Variants in PLB1 observed in about 807,000 individuals in gnomAD.
The protein encoded by PLB1 is phospholipase B1, membrane-associated.
PLB1 carries 242 observed loss-of-function variants against 227.4 expected under a neutral mutation model. The ratio of observed to expected loss-of-function variants is 1.06; its 90% CI spans 0.96 to 1.18. PLB1 has a LOEUF of 1.18. PLB1 is among the 50% of genes most tolerant of loss of function. The probability of loss-of-function intolerance (pLI) is 0.00; values close to 1 mark genes in which losing one functional copy is unlikely to be tolerated. For synonymous variants in PLB1, 757 were observed against 682.2 expected (o/e 1.11, Z -1.71); for missense variants, 1,858 against 1,816.3 (o/e 1.02, Z -0.42).
At chr2:28,601,857 C>T in intron 37 of PLB1, 42 bp from the exon 38 acceptor site, 1 of 1,532,818 alleles carries the variant, frequency 6.5e-7, no homozygotes, top group Non-Finnish European at 9.0e-7. Context: ...GCCCTCCCAC[C>T]CTAACCAGTT....
At chr2:28,525,772 T>A (rs1670165604) in intron 5 of PLB1, 133 bp from the exon 6 acceptor site, 1 of 1,123,618 alleles carries the variant, frequency 8.9e-7, no homozygotes, top group East Asian at 2.6e-5. Flanking sequence ...CTATAACCCC[T>A]GGGAGGATAA....
intron 1 of PLB1, among the ~76,000 whole-genome samples, chr2:28,511,149 C>T (rs1426703633): frequency 6.6e-6 from 1 of 152,068 alleles, no homozygotes; most frequent in Non-Finnish European, 1.5e-5. Flanking sequence ...CCATTTATTC[C>T]ATCCAAATCT....
At chr2:28,604,177 C>A in intron 40 of PLB1, 130 bp downstream of exon 40, 1 of 817,542 alleles carries the variant, frequency 1.2e-6, no homozygotes, top group Non-Finnish European at 2.0e-6. Flanking sequence ...CGGGGAGCAG[C>A]CTGGGTGCCT....
At chr2:28,576,077 G>A (rs1374163408) in intron 21 of PLB1, among the ~76,000 whole-genome samples, 1 of 151,790 alleles carries the variant, frequency 6.6e-6, no homozygotes, top group African/African-American at 2.4e-5. Flanking sequence ...CAAAATGAGT[G>A]TGATTCATAT....
At chr2:28,530,546 T>C (rs1347948677) in intron 8 of PLB1, among the ~76,000 whole-genome samples, 1 of 152,384 alleles carries the variant, frequency 6.6e-6, no homozygotes, top group East Asian at 1.9e-4. Flanking sequence ...TGGAGGCCTC[T>C]GTCACATACA....
At chr2:28,592,525 C>A in intron 31 of PLB1, 136 bp from the exon 32 acceptor site, 1 of 838,696 alleles carries the variant, frequency 1.2e-6, no homozygotes, top group Non-Finnish European at 2.1e-6. Context: ...GCCTCCATGG[C>A]ACTGTGCACA....
Position 28,562,786 on chromosome 2 carries a change from G to C in PLB1, c.1148-255G>C, listed in dbSNP as rs1470180683. 3.3e-5 allele frequency among the ~76,000 whole-genome samples: 5 copies of C among 152,170 alleles called. No homozygotes were observed. In the East Asian group the frequency reaches 9.7e-4, roughly 29 times the overall value. ...ATGCGAGCACAGCTCCCCACTTAAA[G>C]CAGGATCCACCTTTCAGCTTCCTGT... On this transcript the variant is annotated intron_variant, in intron 17 of 57. Transcript: ENST00000327757.
chr2:28,598,894 C>T (rs139863005), intron 35 of PLB1, 134 bp downstream of exon 35: 1 of 728,656 alleles, frequency 1.4e-6, no homozygotes, highest in Admixed American at 2.1e-5. Context: ...TGCCCTCTTC[C>T]CTGCTGCCCC....
chr2:28,588,840 C>T (rs1681354947), intron 26 of PLB1, among the ~76,000 whole-genome samples: 2 of 152,180 alleles, frequency 1.3e-5, no homozygotes, highest in South Asian at 4.1e-4. Flanking sequence ...CCAAAAACCA[C>T]CCCTCACGTC....
At chr2:28,573,370 C>A in intron 21 of PLB1, 65 bp downstream of exon 21, 2 of 1,267,052 alleles carry the variant, frequency 1.6e-6, no homozygotes, top group African/African-American at 1.5e-5. Context: ...TGGGCTTGGC[C>A]TAAACTGGGT....
Position 28,601,274 on chromosome 2 carries a change from G to A in PLB1, c.2549G>A (p.Trp850Ter), listed in dbSNP as rs778357357. ...TAGAGAGTAAATTTCCATGAAGACT[G>A]GAAGGTCATCACAGTGCTGATCGGA... is the stretch of plus-strand genomic sequence containing the variant. ...DDHRVNFHED[W>*]KVITVLIGGS... Residue 850 changes from tryptophan (W) to a stop codon, truncating the protein, a stop_gained, in exon 37 of 58, where the codon TGG (tryptophan) becomes TAG (stop). Coordinates refer to ENST00000327757, the MANE Select transcript of PLB1 (RefSeq NM_153021.5). LOFTEE classifies it high-confidence loss of function. 9 of 1,613,826 alleles carry A rather than the reference G, an allele frequency of 5.6e-6. No homozygotes were observed. The highest frequency in any genetic ancestry group is 7.6e-6 in the Non-Finnish European group (9 of 1,179,844).
chr2:28,593,831 G>A (rs532499927), intron 33 of PLB1, 77 bp downstream of exon 33: 5 of 1,309,522 alleles, frequency 3.8e-6, no homozygotes, highest in Admixed American at 3.7e-5. Flanking sequence ...CTGTAAATAT[G>A]TAAATCCCAG....
intron 1 of PLB1, among the ~76,000 whole-genome samples, chr2:28,511,720 T>A (rs987174803): frequency 2.0e-5 from 3 of 152,178 alleles, no homozygotes; most frequent in Admixed American, 1.3e-4. Flanking sequence ...TTCTTTCAGC[T>A]TGTTGAATCT....
chr2:28,568,047 C>T (rs1055883595), intron 20 of PLB1, among the ~76,000 whole-genome samples: 4 of 152,188 alleles, frequency 2.6e-5, no homozygotes, highest in South Asian at 2.1e-4. Flanking sequence ...TTAATCTCCA[C>T]ATAGGCAGAG....
At chr2:28,597,713 C>G (rs1683191866) in intron 33 of PLB1, among the ~76,000 whole-genome samples, 1 of 152,192 alleles carries the variant, frequency 6.6e-6, no homozygotes. Context: ...TGTGAAATCA[C>G]AGAATCTAGT....
intron 1 of PLB1, among the ~76,000 whole-genome samples, chr2:28,516,292 C>T (rs1668843224): frequency 6.6e-6 from 1 of 152,210 alleles, no homozygotes; most frequent in Non-Finnish European, 1.5e-5. Context: ...TTACTCCTCA[C>T]GTTCAGCAAG....
chr2:28,565,132 A>G (rs1255083763), intron 18 of PLB1, 148 bp from the exon 19 acceptor site: 6 of 631,690 alleles, frequency 9.5e-6, no homozygotes, highest in Admixed American at 2.6e-5. Flanking sequence ...CAGGATACAT[A>G]TGGAGACATG....
At chr2:28,530,854 T>C (rs1308530621) in intron 8 of PLB1, among the ~76,000 whole-genome samples, 1 of 152,256 alleles carries the variant, frequency 6.6e-6, no homozygotes, top group Non-Finnish European at 1.5e-5. Context: ...ACCATAAAGT[T>C]TGTTTTCCTT....
At chr2:28,578,244 G>A (rs920525410) in intron 22 of PLB1, 86 bp downstream of exon 22, 33 of 1,370,440 alleles carry the variant, frequency 2.4e-5, no homozygotes, top group East Asian at 6.9e-5. Flanking sequence ...TTGGGAGCCC[G>A]GCTTGGGTTT....
Sources: gnomAD v4.1 joint callset for allele counts (sites outside exome capture counted in the v4.1 genomes callset) on GRCh38, gnomAD v4.1.1 for gene constraint, MANE v1.5 for transcripts, NCBI Gene and HGNC (gene_info 2026-07-23, HGNC 2026-07-21) for gene names.